Variants in KCNG2 observed in about 807,000 individuals in gnomAD.
KCNG2 encodes potassium voltage-gated channel modifier subfamily G member 2, also known as voltage-gated potassium channel regulatory subunit KCNG2.
A neutral mutation model predicts 12.3 loss-of-function variants in KCNG2; 7 were observed. The observed-to-expected ratio is 0.57, with a 90% confidence interval of 0.32 to 1.07. KCNG2 has a LOEUF of 1.07. KCNG2 is among the 50% of genes least tolerant of loss of function. The probability of loss-of-function intolerance (pLI) is 0.04; values close to 1 mark genes in which losing one functional copy is unlikely to be tolerated. For synonymous variants in KCNG2, 414 were observed against 351.4 expected, an observed-to-expected ratio of 1.18 and a Z score of -1.99; for missense variants, 703 against 726.0, an observed-to-expected ratio of 0.97 and a Z score of 0.36.
chr18:79,830,167 T>C (rs1191206366), intron 1 of KCNG2, among the ~76,000 whole-genome samples: 1 of 152,262 alleles, frequency 6.6e-6, no homozygotes, highest in Non-Finnish European at 1.5e-5. Flanking sequence ...AGGTGTGTGG[T>C]TGTGGACCTG....
chr18:79,841,178 G>T (rs1457551139), intron 1 of KCNG2, among the ~76,000 whole-genome samples: 1 of 152,150 alleles, frequency 6.6e-6, no homozygotes, highest in East Asian at 1.9e-4. Context: ...GACTGAGGTG[G>T]GAAGATTGCT....
chr18:79,899,336 G>GCTGCGTTCGCTGGGC lies in KCNG2; in HGVS notation c.925_939dup (p.Arg309_Leu313dup), dbSNP rs1568276588. 3 of 1,550,950 alleles carry GCTGCGTTCGCTGGGC rather than the reference G, an allele frequency of 1.9e-6. No individual in the cohort carries two copies. Among genetic ancestry groups the GCTGCGTTCGCTGGGC allele is most frequent in the Non-Finnish European group, 2.6e-6 (3 of 1,157,104 alleles). On this transcript the variant is annotated inframe_insertion, in exon 4 of 4. Coordinates refer to ENST00000316249, the MANE Select transcript of KCNG2 (RefSeq NM_012283.2). The stretch of plus-strand genomic sequence containing the variant: ...TGCGCCTGGCGCGCCACTCGCTGGG[G>GCTGCGTTCGCTGGGC]CTGCGTTCGCTGGGCCTGACCATGC...
At chr18:79,818,640 G>A (rs574509971) in intron 1 of KCNG2, among the ~76,000 whole-genome samples, 2 of 152,312 alleles carry the variant, frequency 1.3e-5, no homozygotes, top group South Asian at 2.1e-4. Context: ...TCTCCGATGC[G>A]GAAACTGCTC....
intron 3 of KCNG2, among the ~76,000 whole-genome samples, chr18:79,871,699 G>A (rs1979838222): frequency 1.3e-5 from 2 of 152,190 alleles, no homozygotes. Context: ...GGGGAAGGCG[G>A]CCCCCTATGA....
rs921629104 is a variant in KCNG2, at chr18:79,900,026, C to G, written c.*210C>G. On this transcript the variant is annotated 3_prime_UTR_variant, in exon 4 of 4. Coordinates refer to ENST00000316249, the MANE Select transcript of KCNG2 (RefSeq NM_012283.2). ...CTGGGCAAAGTCACTGGCCTTTGTC[C>G]TCCTGCCCCACCCCTTTCCTTGGAT... 10 of 379,406 alleles carry G rather than the reference C, an allele frequency of 2.6e-5. No homozygotes were observed. The highest frequency in any genetic ancestry group is 4.6e-5 in the Non-Finnish European group (10 of 216,396). 23.5% of individuals were successfully genotyped at this position (379,406 alleles called of 1,614,324 possible).
At chr18:79,862,737 G>C (rs1979268158) in intron 2 of KCNG2, among the ~76,000 whole-genome samples, 1 of 152,230 alleles carries the variant, frequency 6.6e-6, no homozygotes, top group African/African-American at 2.4e-5. Flanking sequence ...AGCAATGGCT[G>C]AAACACTTTC....
intron 1 of KCNG2, among the ~76,000 whole-genome samples, chr18:79,807,831 G>T (rs1484616681): frequency 7.6e-6 from 1 of 131,020 alleles, no homozygotes; most frequent in Non-Finnish European, 1.6e-5. Flanking sequence ...GCGCTCTGAG[G>T]AGCTGCCGGG....
chr18:79,876,967 A>G (rs1340706981), intron 3 of KCNG2, among the ~76,000 whole-genome samples: 2 of 152,252 alleles, frequency 1.3e-5, no homozygotes, highest in Non-Finnish European at 2.9e-5. Context: ...CGAAGGCACA[A>G]AACGAGTTAA....
chr18:79,820,189 C>T (rs1287645941), intron 1 of KCNG2, among the ~76,000 whole-genome samples: 1 of 152,226 alleles, frequency 6.6e-6, no homozygotes, highest in Non-Finnish European at 1.5e-5. Flanking sequence ...TGAACGTCGG[C>T]GCTTGTATCC....
intron 1 of KCNG2, among the ~76,000 whole-genome samples, chr18:79,819,014 C>T (rs898292527): frequency 3.3e-5 from 5 of 152,050 alleles, no homozygotes; most frequent in East Asian, 1.9e-4. Context: ...CAAACATTTG[C>T]GTGTTGAATG....
At chr18:79,837,651 A>T (rs1387380544) in intron 1 of KCNG2, among the ~76,000 whole-genome samples, 1 of 152,184 alleles carries the variant, frequency 6.6e-6, no homozygotes, top group Non-Finnish European at 1.5e-5. Context: ...TAAGTTCCTC[A>T]TCTCCATCTG....
intron 2 of KCNG2, among the ~76,000 whole-genome samples, chr18:79,858,187 A>T (rs879713034): frequency 1.1e-4 from 16 of 152,058 alleles, no homozygotes; most frequent in Non-Finnish European, 2.2e-4. Flanking sequence ...TTTTTGGTAG[A>T]GACAGGGTTT....
intron 1 of KCNG2, among the ~76,000 whole-genome samples, chr18:79,841,307 T>C (rs1721772317): frequency 6.6e-6 from 1 of 151,896 alleles, no homozygotes; most frequent in South Asian, 2.1e-4. Context: ...AATAAATAAA[T>C]AAATAAATAA....
chr18:79,850,545 C>T (rs1446294247), intron 1 of KCNG2, among the ~76,000 whole-genome samples: 4 of 152,194 alleles, frequency 2.6e-5, no homozygotes, highest in South Asian at 2.1e-4. Context: ...TTTCTCATGA[C>T]GTTCTCTTCT....
chr18:79,874,083 C>T (rs1259193928), intron 3 of KCNG2, among the ~76,000 whole-genome samples: 1 of 152,224 alleles, frequency 6.6e-6, no homozygotes, highest in African/African-American at 2.4e-5. Flanking sequence ...GGCGCTGTCT[C>T]CTGACTGCCT....
At chr18:79,836,961 TC>T (rs1437679715) in intron 1 of KCNG2, among the ~76,000 whole-genome samples, 1 of 151,960 alleles carries the variant, frequency 6.6e-6, no homozygotes, top group African/African-American at 2.4e-5. Flanking sequence ...TTCCAAACAG[TC>T]CCCCACAGTC....
Position 79,802,547 on chromosome 18 carries a change from A to G in KCNG2, c.-115+4533A>G, listed in dbSNP as rs1168094532. ...GCTGTAACTTCTTCACCCACAGCTA[A>G]GCAGACACTTGGCTGGCTCCCCTGC... is the stretch of plus-strand genomic sequence containing the variant. On this transcript the variant is annotated intron_variant, in intron 1 of 3. Transcript: ENST00000316249. Among the ~76,000 whole-genome samples, 4 of 152,368 alleles carry G rather than the reference A, an allele frequency of 2.6e-5. No individual in the cohort carries two copies. In the East Asian group the frequency reaches 7.7e-4, roughly 29 times the overall value.
At chr18:79,840,692 G>T (rs1401045868) in intron 1 of KCNG2, among the ~76,000 whole-genome samples, 1 of 152,174 alleles carries the variant, frequency 6.6e-6, no homozygotes, top group African/African-American at 2.4e-5. Flanking sequence ...TTCAAGGCAT[G>T]TTATATAGCT....
chr18:79,848,634 C>A (rs1195539638), intron 1 of KCNG2, among the ~76,000 whole-genome samples: 2 of 152,244 alleles, frequency 1.3e-5, no homozygotes, highest in Non-Finnish European at 2.9e-5. Flanking sequence ...CTTCCGGGGA[C>A]GCAGTGGAAC....
Sources: allele counts gnomAD v4.1 joint callset (sites outside exome capture counted in the v4.1 genomes callset), GRCh38; gene constraint gnomAD v4.1.1; transcripts MANE v1.5; gene names NCBI Gene and HGNC (gene_info 2026-07-23, HGNC 2026-07-21).